The following ARHGAP24 variants were observed in gnomAD, a reference collection of about 807,000 sequenced individuals.
The protein encoded by ARHGAP24 is Rho GTPase activating protein 24.
ARHGAP24 carries 50 observed loss-of-function variants against 76.4 expected under a neutral mutation model. The observed-to-expected ratio is 0.65, with a 90% CI of 0.52 to 0.83. ARHGAP24 has a LOEUF of 0.83. ARHGAP24 is among the 40% of genes least tolerant of loss of function. The pLI is 0.00. For missense variants in ARHGAP24, 930 were observed against 914.2 expected, an observed-to-expected ratio of 1.02 and a Z score of -0.22; for synonymous variants, 345 against 323.3, an observed-to-expected ratio of 1.07 and a Z score of -0.72.
chr4:85,901,915 G>A (rs866035257), intron 3 of ARHGAP24, among the ~76,000 whole-genome samples: 20 of 151,710 alleles, frequency 1.3e-4, no homozygotes, highest in African/African-American at 2.2e-4. Context: ...CTATCAACCC[G>A]TCATCAAGGT....
intron 1 of ARHGAP24, among the ~76,000 whole-genome samples, chr4:85,518,000 A>G (rs1724581855): frequency 6.6e-6 from 1 of 152,168 alleles, no homozygotes; most frequent in Non-Finnish European, 1.5e-5. Flanking sequence ...TAGTGAAAGG[A>G]CAAGAGACTT....
chr4:85,703,988 T>C (rs1382367522), intron 2 of ARHGAP24, among the ~76,000 whole-genome samples: 1 of 152,200 alleles, frequency 6.6e-6, no homozygotes, highest in East Asian at 1.9e-4. Flanking sequence ...GTCCCTGAAG[T>C]TTTATCTTTG....
intron 3 of ARHGAP24, among the ~76,000 whole-genome samples, chr4:85,766,908 A>G (rs1966862): frequency 0.15 from 23,355 of 152,188 alleles, 2,743 homozygotes; most frequent in East Asian, 0.66. Context: ...CAAACTGCAT[A>G]TATGATACTG....
At chr4:85,966,942 A>G (rs1738656227) in intron 5 of ARHGAP24, among the ~76,000 whole-genome samples, 1 of 152,062 alleles carries the variant, frequency 6.6e-6, no homozygotes, top group Non-Finnish European at 1.5e-5. Context: ...AAAAATTCCC[A>G]TTTCTAATTT....
At chr4:85,601,133 C>A (rs909959881) in intron 2 of ARHGAP24, among the ~76,000 whole-genome samples, 2 of 151,964 alleles carry the variant, frequency 1.3e-5, no homozygotes, top group Non-Finnish European at 2.9e-5. Context: ...CTTTTATTCA[C>A]GTCTATATTT....
chr4:85,982,920 TC>T (rs760718495), intron 8 of ARHGAP24, among the ~76,000 whole-genome samples: 28 of 152,020 alleles, frequency 1.8e-4, no homozygotes, highest in Non-Finnish European at 3.2e-4. Flanking sequence ...TGTTTTCCCT[TC>T]CCCCCCTTCT....
rs1297948051 is a variant in ARHGAP24, at chr4:85,590,161, T to TCTGCCTGCCTGC, written c.180+19463_180+19474dup. 7.7e-4 allele frequency among the ~76,000 whole-genome samples: 110 copies of TCTGCCTGCCTGC among 143,416 alleles called. 1 individual carries two copies. The highest frequency in any genetic ancestry group is 2.7e-3 in the African/African-American group (97 of 36,462). 94.1% of individuals were successfully genotyped at this position (143,416 alleles called of 152,430 possible). On this transcript the variant is annotated intron_variant, in intron 2 of 9. Coordinates refer to ENST00000395184, the MANE Select transcript of ARHGAP24 (RefSeq NM_001025616.3). ...TTGGAATGAGAAAACTAACTTTCTT[T>TCTGCCTGCCTGC]CTGCCTGCCTGCCTGCCTGCCTGCC...
chr4:85,958,160 A>G (rs181103011), intron 5 of ARHGAP24, among the ~76,000 whole-genome samples: 1 of 152,344 alleles, frequency 6.6e-6, no homozygotes, highest in African/African-American at 2.4e-5. Flanking sequence ...CTTACTACCC[A>G]TGTTAATGAA....
intron 2 of ARHGAP24, among the ~76,000 whole-genome samples, chr4:85,683,381 A>C (rs1723304158): frequency 6.6e-6 from 1 of 152,140 alleles, no homozygotes; most frequent in Non-Finnish European, 1.5e-5. Context: ...ATACAGAGAA[A>C]ACTGCTCTTA....
At chr4:85,753,946 A>G (rs1448498083) in intron 3 of ARHGAP24, among the ~76,000 whole-genome samples, 2 of 152,196 alleles carry the variant, frequency 1.3e-5, no homozygotes, top group Non-Finnish European at 2.9e-5. Context: ...TGTAATATAC[A>G]ATAATATACA....
intron 2 of ARHGAP24, among the ~76,000 whole-genome samples, chr4:85,634,349 A>G (rs1721247185): frequency 6.6e-6 from 1 of 151,912 alleles, no homozygotes; most frequent in African/African-American, 2.4e-5. Flanking sequence ...AGGAAAATTA[A>G]GATCATGATA....
At chr4:85,666,094 A>G (rs1722603863) in intron 2 of ARHGAP24, among the ~76,000 whole-genome samples, 1 of 152,180 alleles carries the variant, frequency 6.6e-6, no homozygotes, top group Non-Finnish European at 1.5e-5. Flanking sequence ...TCTCCTGGAT[A>G]ATATCCTGCA....
chr4:85,984,923 GTGGT>G (rs1422184344), intron 8 of ARHGAP24, among the ~76,000 whole-genome samples: 4 of 152,106 alleles, frequency 2.6e-5, no homozygotes, highest in Non-Finnish European at 4.4e-5. Context: ...CCAGGTTCAA[GTGGT>G]TCTCCTGCCT....
intron 2 of ARHGAP24, among the ~76,000 whole-genome samples, chr4:85,682,630 C>T (rs1426444013): frequency 6.6e-6 from 1 of 152,192 alleles, no homozygotes; most frequent in Non-Finnish European, 1.5e-5. Context: ...CCAAGCAATG[C>T]AAAAGATCAT....
At chr4:85,928,111 C>G (rs1016166743) in intron 4 of ARHGAP24, among the ~76,000 whole-genome samples, 14 of 152,138 alleles carry the variant, frequency 9.2e-5, no homozygotes, top group African/African-American at 3.4e-4. Context: ...CACAGTTGCT[C>G]CTCTAGTAAT....
At chr4:85,816,335 C>T (rs1239118408) in intron 3 of ARHGAP24, among the ~76,000 whole-genome samples, 12 of 152,130 alleles carry the variant, frequency 7.9e-5, no homozygotes, top group African/African-American at 2.9e-4. Context: ...TCCTGGCAAC[C>T]ACCATTCTAT....
intron 3 of ARHGAP24, among the ~76,000 whole-genome samples, chr4:85,840,342 T>A (rs539630280): frequency 3.3e-5 from 5 of 152,362 alleles, no homozygotes; most frequent in African/African-American, 1.2e-4. Flanking sequence ...TCATTTTTCC[T>A]GGACTGCATT....
In ARHGAP24 at chr4:85,827,557, G is replaced by GGGTT. The variant is rs779605192; in HGVS notation, c.269-96085_269-96082dup. On this transcript the variant is annotated intron_variant, in intron 3 of 9. Coordinates refer to ENST00000395184, the MANE Select transcript of ARHGAP24 (RefSeq NM_001025616.3). ...AGATTATTGCTTAAACAGTGCCCCT[G>GGGTT]GGTTGGTTGCTTGGCTTGGTGCCAT... Among the ~76,000 whole-genome samples the GGGTT allele has an allele frequency of 2.3e-3, 348 of 150,876 alleles. 3 individuals are homozygous for GGGTT. The highest frequency in any genetic ancestry group is 3.1e-3 in the Non-Finnish European group (208 of 67,728).
chr4:85,489,730 C>T (rs140858464), intron 1 of ARHGAP24, among the ~76,000 whole-genome samples: 366 of 152,204 alleles, frequency 2.4e-3, no homozygotes, highest in African/African-American at 8.3e-3. Flanking sequence ...GATTTCCTTC[C>T]GACATTTGCT....
Sources: allele counts gnomAD v4.1 joint callset (sites outside exome capture counted in the v4.1 genomes callset), GRCh38; gene constraint gnomAD v4.1.1; transcripts MANE v1.5; gene names NCBI Gene and HGNC (gene_info 2026-07-23, HGNC 2026-07-21).